CSMD1: variants seen among roughly 807,000 people sequenced by gnomAD.
CSMD1 encodes CUB and sushi domain-containing protein 1.
Under a neutral mutation model 417.5 loss-of-function variants are expected in CSMD1, and 213 were observed. That is an observed-to-expected ratio of 0.51 (90% CI 0.46 to 0.57). CSMD1 has a LOEUF of 0.57. Among genes scored for constraint, CSMD1 ranks in the 20% least tolerant of loss-of-function variants. The probability of loss-of-function intolerance (pLI) is 0.00; values close to 1 mark genes in which losing one functional copy is unlikely to be tolerated. For synonymous variants in CSMD1, 2,862 were observed against 1,736.8 expected, an observed-to-expected ratio of 1.65 and a Z score of -16.11; for missense variants, 6,923 against 4,529.7, an observed-to-expected ratio of 1.53 and a Z score of -15.17.
At chr8:3,565,008 A>AAGGTCCGTGC (rs59375270) in intron 10 of CSMD1, among the ~76,000 whole-genome samples, 1 of 150,822 alleles carries the variant, frequency 6.6e-6, no homozygotes, top group African/African-American at 2.4e-5. Flanking sequence ...AGGTGATGGG[A>AAGGTCCGTGC]AGCAAAGCAC....
intron 17 of CSMD1, among the ~76,000 whole-genome samples, chr8:3,388,515 G>T (rs1273000992): frequency 6.6e-6 from 1 of 152,150 alleles, no homozygotes; most frequent in Non-Finnish European, 1.5e-5. Context: ...ATGAATATCT[G>T]AACTGTGAAT....
At chr8:4,452,552 T>A (rs1375238720) in intron 2 of CSMD1, among the ~76,000 whole-genome samples, 1 of 152,192 alleles carries the variant, frequency 6.6e-6, no homozygotes, top group African/African-American at 2.4e-5. Flanking sequence ...ATTCACTTTT[T>A]CCAATCATTT....
At chr8:3,516,494 G>A (rs74888060) in intron 10 of CSMD1, among the ~76,000 whole-genome samples, 2,040 of 152,262 alleles carry the variant, frequency 0.013, 55 homozygotes, top group African/African-American at 0.047. Context: ...AGAGGCTGTA[G>A]TATCTATGCT....
At chr8:3,714,609 C>A (rs13277773) in intron 6 of CSMD1, among the ~76,000 whole-genome samples, 1 of 142,480 alleles carries the variant, frequency 7.0e-6, no homozygotes, top group Non-Finnish European at 1.5e-5. Context: ...TGGTGGCGGG[C>A]GACTGTAGTC....
At chr8:4,317,040 C>A (rs919721098) in intron 3 of CSMD1, among the ~76,000 whole-genome samples, 1 of 152,112 alleles carries the variant, frequency 6.6e-6, no homozygotes, top group African/African-American at 2.4e-5. Flanking sequence ...TTGTAAACGG[C>A]ACTGAAAACA....
intron 2 of CSMD1, among the ~76,000 whole-genome samples, chr8:4,594,216 T>TTTTTTG (rs1800141336): frequency 6.7e-6 from 1 of 149,334 alleles, no homozygotes; most frequent in Non-Finnish European, 1.5e-5. Flanking sequence ...TTTTTTTTTT[T>TTTTTTG]TCTCTGAGAC....
intron 5 of CSMD1, among the ~76,000 whole-genome samples, chr8:3,824,624 T>A (rs1350203850): frequency 1.3e-5 from 2 of 152,214 alleles, no homozygotes; most frequent in Non-Finnish European, 2.9e-5. Context: ...TATTAATGTT[T>A]TTCTACTGAT....
chr8:4,882,285 C>T (rs1803455938), intron 1 of CSMD1, among the ~76,000 whole-genome samples: 1 of 151,776 alleles, frequency 6.6e-6, no homozygotes, highest in Non-Finnish European at 1.5e-5. Flanking sequence ...ACCTCTCTAA[C>T]TCACGTGGCT....
At chr8:4,048,755 C>G (rs1798276013) in intron 3 of CSMD1, among the ~76,000 whole-genome samples, 3 of 152,126 alleles carry the variant, frequency 2.0e-5, no homozygotes, top group African/African-American at 7.2e-5. Context: ...ATATAAAATG[C>G]AAAGCTGTGT....
At chr8:4,665,396 G>C (rs188347106) in intron 1 of CSMD1, among the ~76,000 whole-genome samples, 1 of 152,096 alleles carries the variant, frequency 6.6e-6, no homozygotes, top group Non-Finnish European at 1.5e-5. Context: ...TCCATGAGTC[G>C]TGAAAGTTAT....
rs56216926 is a variant in CSMD1 at position 4,185,138 on chromosome 8, CAAAAAAAAAAAAAA to C, written c.416-153053_416-153040del. Among the ~76,000 whole-genome samples, 12 of 75,122 alleles carry C rather than the reference CAAAAAAAAAAAAAA, an allele frequency of 1.6e-4. No individual in the cohort carries two copies. The Admixed American group carries it at 1.8e-3, about 11-fold the overall frequency. 49.3% of individuals were successfully genotyped at this position (75,122 alleles called of 152,430 possible). A position where few individuals can be genotyped will look rare whatever the true frequency, so the allele number is the denominator to read the frequency against. ...TGGGCACCTGAGTGAAATTTTGCCT[CAAAAAAAAAAAAAA>C]AAAAAAAAAAGCAAACGAAGAAAAA... is the stretch of plus-strand genomic sequence containing the variant. On this transcript the variant is annotated intron_variant, in intron 3 of 69. Transcript: ENST00000635120.
intron 10 of CSMD1, among the ~76,000 whole-genome samples, chr8:3,572,426 T>A (rs1370825041): frequency 6.6e-6 from 1 of 152,144 alleles, no homozygotes; most frequent in Non-Finnish European, 1.5e-5. Context: ...GCAGGGAGCT[T>A]CCTGGAGAGC....
intron 23 of CSMD1, among the ~76,000 whole-genome samples, chr8:3,328,777 C>G (rs972274677): frequency 6.6e-6 from 1 of 152,006 alleles, no homozygotes; most frequent in South Asian, 2.1e-4. Flanking sequence ...AATTTATAAA[C>G]AAAAAATGTG....
At chr8:3,966,525 T>C (rs1333206226) in intron 5 of CSMD1, among the ~76,000 whole-genome samples, 1 of 152,144 alleles carries the variant, frequency 6.6e-6, no homozygotes. Flanking sequence ...TGGGAGAAAA[T>C]TGTATTCTTT....
chr8:4,302,569 C>G (rs982580378), intron 3 of CSMD1, among the ~76,000 whole-genome samples: 12 of 152,120 alleles, frequency 7.9e-5, no homozygotes, highest in African/African-American at 2.9e-4. Flanking sequence ...CCGCCTCTCT[C>G]TCAACCCTAT....
rs188963780 is a variant in CSMD1 at position 2,964,296 on chromosome 8, C to A, written c.9281-901G>T. Among the ~76,000 whole-genome samples, 1,509 of 152,314 alleles carry A rather than the reference C, an allele frequency of 9.9e-3. 12 individuals are homozygous for A. Among genetic ancestry groups the A allele is most frequent in the Non-Finnish European group, 0.017 (1,180 of 68,026 alleles). ...GCACACCCAAAAGTTGGAAATGGGT[C>A]CTTCCCTCACCACTCCACCTTCTAC... On this transcript the variant is annotated intron_variant, in intron 59 of 69. Coordinates refer to ENST00000635120, the MANE Select transcript of CSMD1 (RefSeq NM_033225.6).
At chr8:3,609,660 G>A (rs562184964) in intron 8 of CSMD1, among the ~76,000 whole-genome samples, 1 of 151,400 alleles carries the variant, frequency 6.6e-6, no homozygotes, top group African/African-American at 2.4e-5. Context: ...CACTGCAAAT[G>A]AGCTCATCTA....
intron 8 of CSMD1, among the ~76,000 whole-genome samples, chr8:3,596,784 A>G (rs1801115496): frequency 9.6e-6 from 1 of 104,062 alleles, no homozygotes; most frequent in African/African-American, 4.5e-5. Context: ...ACAAACACAC[A>G]CACTCACACA....
intron 1 of CSMD1, among the ~76,000 whole-genome samples, chr8:4,852,471 A>G (rs939973668): frequency 6.6e-6 from 1 of 152,074 alleles, no homozygotes; most frequent in Non-Finnish European, 1.5e-5. Context: ...ATGAGGCCTC[A>G]CCAGTTGAGG....
Sources: allele counts gnomAD v4.1 joint callset (sites outside exome capture counted in the v4.1 genomes callset), GRCh38; gene constraint gnomAD v4.1.1; transcripts MANE v1.5; gene names NCBI Gene and HGNC (gene_info 2026-07-23, HGNC 2026-07-21).